The following MACROD2 variants were observed in gnomAD, a reference collection of about 807,000 sequenced individuals.
The protein encoded by MACROD2 is mono-ADP ribosylhydrolase 2, also known as ADP-ribose glycohydrolase MACROD2.
Under a neutral mutation model 70.4 loss-of-function variants are expected in MACROD2, and 36 were observed. The observed-to-expected ratio is 0.51, with a 90% confidence interval of 0.39 to 0.68. MACROD2 has a LOEUF of 0.68. MACROD2 is among the 30% of genes least tolerant of loss of function. The pLI, the probability that MACROD2 is intolerant of heterozygous loss-of-function variation, is 0.00. For missense variants in MACROD2, 496 were observed against 538.4 expected, an observed-to-expected ratio of 0.92 and a Z score of 0.78; for synonymous variants, 172 against 178.8, an observed-to-expected ratio of 0.96 and a Z score of 0.30.
chr20:14,928,304 G>A (rs940001787), intron 5 of MACROD2, among the ~76,000 whole-genome samples: 7 of 152,138 alleles, frequency 4.6e-5, no homozygotes, highest in Admixed American at 3.9e-4. Flanking sequence ...AAATATTGAT[G>A]AGTCATCTAC....
chr20:15,831,711 T>C (rs2064058056), intron 8 of MACROD2, among the ~76,000 whole-genome samples: 1 of 152,108 alleles, frequency 6.6e-6, no homozygotes, highest in African/African-American at 2.4e-5. Context: ...TTTTGTCTTC[T>C]TCCTCCTGGC....
chr20:15,597,026 T>C lies in MACROD2; in HGVS notation c.645+97179T>C, dbSNP rs542366142. 4.1e-4 allele frequency among the ~76,000 whole-genome samples: 62 copies of C among 152,356 alleles called. 2 individuals are homozygous for C. The South Asian group carries it at 0.012, about 31-fold the overall frequency. On this transcript the variant is annotated intron_variant, in intron 8 of 17. Coordinates refer to ENST00000684519, the MANE Select transcript of MACROD2 (RefSeq NM_001351661.2). Reference sequence around the variant, plus strand: ...TTTAAAAAGGAAAGGTATGATCCCTTAAAGAACTCAAACCCCTTCCTCATA... The same window carrying C: ...TTTAAAAAGGAAAGGTATGATCCCTCAAAGAACTCAAACCCCTTCCTCATA...
intron 8 of MACROD2, among the ~76,000 whole-genome samples, chr20:15,806,461 C>T (rs2063770494): frequency 6.6e-6 from 1 of 152,178 alleles, no homozygotes; most frequent in African/African-American, 2.4e-5. Context: ...ACACAAGGCT[C>T]CCCTGACTTT....
chr20:14,182,693 T>G (rs920561527), intron 3 of MACROD2, among the ~76,000 whole-genome samples: 1 of 152,086 alleles, frequency 6.6e-6, no homozygotes, highest in African/African-American at 2.4e-5. Context: ...CAAATGTTAG[T>G]TTTTAAAAAT....
At chr20:15,166,861 AATT>A (rs2076388084) in intron 5 of MACROD2, among the ~76,000 whole-genome samples, 1 of 151,174 alleles carries the variant, frequency 6.6e-6, no homozygotes, top group African/African-American at 2.4e-5. Context: ...TAAATTATTA[AATT>A]TAAGTATTAA....
intron 6 of MACROD2, among the ~76,000 whole-genome samples, chr20:15,391,176 G>T (rs2045787517): frequency 6.6e-6 from 1 of 152,178 alleles, no homozygotes; most frequent in Admixed American, 6.5e-5. Context: ...ACTCCTGCCT[G>T]CTTCTGAGGT....
At chr20:14,028,533 A>C (rs987314648) in intron 2 of MACROD2, among the ~76,000 whole-genome samples, 1 of 151,962 alleles carries the variant, frequency 6.6e-6, no homozygotes, top group African/African-American at 2.4e-5. Context: ...TGTGCTTGAA[A>C]CCCAGGGCCC....
At chr20:14,177,386 G>A (rs1313545676) in intron 3 of MACROD2, among the ~76,000 whole-genome samples, 5 of 146,942 alleles carry the variant, frequency 3.4e-5, no homozygotes, top group Non-Finnish European at 5.9e-5. Context: ...GCACTATCTC[G>A]GCTCACTGCT....
intron 16 of MACROD2, 81 bp from the exon 17 acceptor site, chr20:16,044,490 A>G: frequency 8.4e-7 from 1 of 1,194,470 alleles, no homozygotes; most frequent in Non-Finnish European, 1.2e-6. Context: ...TCAGGAAAGT[A>G]TCAAATCATG....
intron 5 of MACROD2, among the ~76,000 whole-genome samples, chr20:14,918,617 G>GTTT (rs201821065): frequency 3.9e-5 from 5 of 127,780 alleles, no homozygotes; most frequent in Non-Finnish European, 5.1e-5. Flanking sequence ...TGTTTTTTTT[G>GTTT]TTTTTTTTTT....
intron 8 of MACROD2, among the ~76,000 whole-genome samples, chr20:15,795,561 C>T (rs951785134): frequency 6.6e-6 from 1 of 152,146 alleles, no homozygotes; most frequent in Admixed American, 6.6e-5. Context: ...TAAACACTTT[C>T]TCTTGTAATT....
chr20:15,795,851 T>A (rs1209611665), intron 8 of MACROD2, among the ~76,000 whole-genome samples: 1 of 152,240 alleles, frequency 6.6e-6, no homozygotes, highest in Non-Finnish European at 1.5e-5. Context: ...ATGCACACAT[T>A]TCAATCAGCC....
intron 4 of MACROD2, among the ~76,000 whole-genome samples, chr20:14,574,996 C>T (rs1266028565): frequency 2.6e-5 from 3 of 115,708 alleles, no homozygotes; most frequent in East Asian, 4.7e-4. Context: ...CCGGCCTGGG[C>T]GACAGAGCGA....
chr20:15,661,043 G>T (rs2049814859), intron 8 of MACROD2, among the ~76,000 whole-genome samples: 1 of 152,044 alleles, frequency 6.6e-6, no homozygotes, highest in South Asian at 2.1e-4. Context: ...GATTCCAACT[G>T]GTCTCTTACT....
Position 15,068,333 on chromosome 20 carries a change from T to C in MACROD2, c.419-161607T>C, listed in dbSNP as rs930373941. 2.6e-5 allele frequency among the ~76,000 whole-genome samples: 4 copies of C among 152,194 alleles called. No individual in the cohort carries two copies. The East Asian group carries it at 7.7e-4, about 29-fold the overall frequency. ...TACATTGTATATAGTTTAAAAAATATTCTCAAAATACCAATTGGTCATGAT... is the reference window on the plus strand; with the variant it reads ...TACATTGTATATAGTTTAAAAAATACTCTCAAAATACCAATTGGTCATGAT... On this transcript the variant is annotated intron_variant, in intron 5 of 17. Transcript: ENST00000684519.
At chr20:15,156,544 T>C (rs1171301528) in intron 5 of MACROD2, among the ~76,000 whole-genome samples, 2 of 152,168 alleles carry the variant, frequency 1.3e-5, no homozygotes, top group Admixed American at 1.3e-4. Flanking sequence ...ATAAAACCTG[T>C]AGTGCTTTGC....
chr20:14,034,142 C>G (rs2053279708), intron 2 of MACROD2, among the ~76,000 whole-genome samples: 1 of 151,812 alleles, frequency 6.6e-6, no homozygotes, highest in Non-Finnish European at 1.5e-5. Context: ...AGGCTAATTT[C>G]TTTTTGTATT....
chr20:14,237,700 C>A (rs1007811770), intron 3 of MACROD2, among the ~76,000 whole-genome samples: 22 of 147,334 alleles, frequency 1.5e-4, no homozygotes, highest in Admixed American at 8.9e-4. Context: ...CCCTCCCCCC[C>A]ACCCCAAAAC....
chr20:14,100,608 TATATAGTATATATAAA>T (rs1244906872), intron 3 of MACROD2, among the ~76,000 whole-genome samples: 1 of 143,988 alleles, frequency 6.9e-6, no homozygotes, highest in African/African-American at 2.5e-5. Context: ...TTAAATATTA[TATATAGTATATATAAA>T]AATATATATT....
Sources: allele counts gnomAD v4.1 joint callset (sites outside exome capture counted in the v4.1 genomes callset), GRCh38; gene constraint gnomAD v4.1.1; transcripts MANE v1.5; gene names NCBI Gene and HGNC (gene_info 2026-07-23, HGNC 2026-07-21).